Variants in MGAT4C observed in about 807,000 individuals in gnomAD.
MGAT4C encodes alpha-1,3-mannosyl-glycoprotein 4-beta-N-acetylglucosaminyltransferase C.
A neutral mutation model predicts 40.1 loss-of-function variants in MGAT4C; 19 were observed. The observed-to-expected ratio is 0.47, with a 90% CI of 0.33 to 0.70. MGAT4C has a LOEUF of 0.70. MGAT4C is among the 30% of genes least tolerant of loss of function. MGAT4C has a pLI of 0.02. For missense variants in MGAT4C, 491 were observed against 563.2 expected, an observed-to-expected ratio of 0.87 and a Z score of 1.30; for synonymous variants, 181 against 187.1, an observed-to-expected ratio of 0.97 and a Z score of 0.27.
At chr12:86,641,957 T>G (rs1312533332) in intron 2 of MGAT4C, among the ~76,000 whole-genome samples, 1 of 151,836 alleles carries the variant, frequency 6.6e-6, no homozygotes, top group Non-Finnish European at 1.5e-5. Context: ...TTTGATAAAG[T>G]GTTATGTATT....
At chr12:85,997,298 G>C (rs1338801672) in intron 2 of MGAT4C, among the ~76,000 whole-genome samples, 4 of 152,112 alleles carry the variant, frequency 2.6e-5, no homozygotes, top group African/African-American at 9.7e-5. Flanking sequence ...CCCTTGACAC[G>C]TGGGAATTGT....
chr12:86,696,689 C>T (rs1019798657), intron 2 of MGAT4C, among the ~76,000 whole-genome samples: 1 of 152,240 alleles, frequency 6.6e-6, no homozygotes, highest in African/African-American at 2.4e-5. Flanking sequence ...GCTGTGATAT[C>T]CATACAAGCT....
intron 2 of MGAT4C, among the ~76,000 whole-genome samples, chr12:86,012,840 T>TG (rs1888639595): frequency 6.7e-6 from 1 of 148,554 alleles, no homozygotes; most frequent in Admixed American, 6.6e-5. Flanking sequence ...ACCTGGGTGG[T>TG]GGGCCTGGTG....
rs554588275 is a variant in MGAT4C, at chr12:86,288,887, T to C, written c.-57+45178A>G. Among the ~76,000 whole-genome samples, 15 of 152,338 alleles carry C rather than the reference T, an allele frequency of 9.8e-5. No homozygotes were observed. The East Asian group carries it at 2.7e-3, about 27-fold the overall frequency. On this transcript the variant is annotated intron_variant, in intron 4 of 7. Coordinates refer to the MGAT4C transcript ENST00000548651. The stretch of plus-strand genomic sequence containing the variant: ...GTCTGTGAACTTTGTTGATAATCTC[T>C]TTTGCTTTGTAGAAGCTCTTTAGTT...
rs1010604227 is a variant in MGAT4C at position 86,308,950 on chromosome 12, C to T, written c.-57+25115G>A. On this transcript the variant is annotated intron_variant, in intron 4 of 7. Transcript: ENST00000548651. Reference sequence around the variant, plus strand: ...GAACTGATTATCTGTAACCAGAGAGCTATATTTTTTGAAGAGACTATTTAG... The same window carrying T: ...GAACTGATTATCTGTAACCAGAGAGTTATATTTTTTGAAGAGACTATTTAG... Among the ~76,000 whole-genome samples the T allele has an allele frequency of 1.3e-5, 2 of 150,350 alleles. 1 individual carries two copies. The highest frequency in any genetic ancestry group is 5.0e-5 in the African/African-American group (2 of 39,886).
At chr12:86,291,090 A>G (rs75047192) in intron 4 of MGAT4C, among the ~76,000 whole-genome samples, 2,886 of 152,296 alleles carry the variant, frequency 0.019, 37 homozygotes, top group Non-Finnish European at 0.029. Context: ...GATGGTCACA[A>G]GCTTATCTGA....
chr12:86,504,040 G>C (rs1036530890), intron 2 of MGAT4C, among the ~76,000 whole-genome samples: 16 of 151,568 alleles, frequency 1.1e-4, no homozygotes, highest in African/African-American at 3.9e-4. Flanking sequence ...TTAAAATGTA[G>C]GCTACCAAAT....
At chr12:86,361,157 A>C (rs1955456106) in intron 3 of MGAT4C, among the ~76,000 whole-genome samples, 1 of 152,212 alleles carries the variant, frequency 6.6e-6, no homozygotes, top group African/African-American at 2.4e-5. Flanking sequence ...AATGGAACAG[A>C]ACAAAGCCAT....
intron 1 of MGAT4C, among the ~76,000 whole-genome samples, chr12:86,818,608 T>G (rs1952648047): frequency 6.6e-6 from 1 of 150,800 alleles, no homozygotes; most frequent in Admixed American, 6.6e-5. Context: ...GCACAACGGC[T>G]CCCGTGTGGA....
At chr12:86,113,310 T>C (rs1229945901) in intron 1 of MGAT4C, among the ~76,000 whole-genome samples, 1 of 151,834 alleles carries the variant, frequency 6.6e-6, no homozygotes, top group Admixed American at 6.6e-5. Context: ...GCAATATTGA[T>C]GTAGAGATAA....
intron 2 of MGAT4C, among the ~76,000 whole-genome samples, chr12:86,576,350 T>C (rs1396412732): frequency 6.6e-6 from 1 of 151,936 alleles, no homozygotes; most frequent in Non-Finnish European, 1.5e-5. Context: ...ATTCCATTTG[T>C]TCACGTTTGC....
At chr12:86,150,403 GT>G (rs1157584184) in intron 1 of MGAT4C, among the ~76,000 whole-genome samples, 1 of 152,160 alleles carries the variant, frequency 6.6e-6, no homozygotes, top group Non-Finnish European at 1.5e-5. Flanking sequence ...CGTTCAATAA[GT>G]TTTAGTTATT....
At chr12:86,036,428 T>G (rs1268153233) in intron 2 of MGAT4C, among the ~76,000 whole-genome samples, 2 of 149,828 alleles carry the variant, frequency 1.3e-5, no homozygotes, top group African/African-American at 4.9e-5. Context: ...TTTTGCCCAT[T>G]CAGTATGATA....
intron 2 of MGAT4C, among the ~76,000 whole-genome samples, chr12:86,666,114 A>G (rs1964098862): frequency 6.6e-6 from 1 of 152,216 alleles, no homozygotes; most frequent in African/African-American, 2.4e-5. Context: ...TGCAATTTTG[A>G]TTAAAGCACT....
chr12:86,579,375 A>G (rs1960687749), intron 2 of MGAT4C, among the ~76,000 whole-genome samples: 1 of 151,608 alleles, frequency 6.6e-6, no homozygotes, highest in South Asian at 2.1e-4. Flanking sequence ...CTTATAAGCC[A>G]TAATTTTAAC....
At chr12:86,830,631 T>C (rs1382621415) in intron 1 of MGAT4C, among the ~76,000 whole-genome samples, 2 of 151,836 alleles carry the variant, frequency 1.3e-5, no homozygotes, top group Admixed American at 6.6e-5. Flanking sequence ...AGATTACTCA[T>C]GTTTTTCGAA....
intron 2 of MGAT4C, among the ~76,000 whole-genome samples, chr12:86,620,760 T>C (rs1466818053): frequency 6.6e-6 from 1 of 152,186 alleles, no homozygotes; most frequent in African/African-American, 2.4e-5. Context: ...TGGGAGGTGA[T>C]TGAATCATGG....
intron 2 of MGAT4C, among the ~76,000 whole-genome samples, chr12:86,681,451 G>A (rs1220599647): frequency 2.6e-5 from 4 of 151,708 alleles, no homozygotes; most frequent in African/African-American, 9.7e-5. Context: ...CAATTAATCA[G>A]ATTTTCTTTT....
intron 1 of MGAT4C, among the ~76,000 whole-genome samples, chr12:86,764,809 TC>T (rs1332824064): frequency 6.6e-6 from 1 of 152,158 alleles, no homozygotes; most frequent in Non-Finnish European, 1.5e-5. Context: ...GACGGTCCTG[TC>T]TGTTAGAAGG....
Sources: gnomAD v4.1 joint callset for allele counts (sites outside exome capture counted in the v4.1 genomes callset) on GRCh38, gnomAD v4.1.1 for gene constraint, MANE v1.5 for transcripts, NCBI Gene and HGNC (gene_info 2026-07-23, HGNC 2026-07-21) for gene names.